Variants in NFIB observed in about 807,000 individuals in gnomAD.
NFIB encodes nuclear factor 1 B-type.
In NFIB, 11 loss-of-function variants were observed where a neutral mutation model predicts 61.5. The observed-to-expected ratio is 0.18, with a 90% CI of 0.11 to 0.30. The LOEUF is 0.30. Ranked by LOEUF, NFIB falls within the 10% of genes least tolerant of loss-of-function variation. NFIB has a pLI of 1.00. For missense variants in NFIB, 471 were observed against 608.9 expected, an observed-to-expected ratio of 0.77 and a Z score of 2.38; for synonymous variants, 260 against 216.5, an observed-to-expected ratio of 1.20 and a Z score of -1.76.
At chr9:14,227,914 T>C (rs1418286591) in intron 2 of NFIB, among the ~76,000 whole-genome samples, 7 of 152,252 alleles carry the variant, frequency 4.6e-5, no homozygotes, top group Non-Finnish European at 7.3e-5. Flanking sequence ...TGTCTTATTA[T>C]GGTGTTAATT....
At chr9:14,481,195 GTGTATATATATATATATA>G in the NFIB span, among the ~76,000 whole-genome samples, 240 of 35,064 alleles carry the variant, frequency 6.8e-3, 6 homozygotes, top group African/African-American at 0.021. Context: ...GTGTGTGTGT[GTGTATATATATATATATA>G]TATATATATA....
At chr9:14,448,021 G>C in the NFIB span, among the ~76,000 whole-genome samples, 3 of 152,140 alleles carry the variant, frequency 2.0e-5, no homozygotes, top group Non-Finnish European at 2.9e-5. Flanking sequence ...TATCAATGAA[G>C]TTATAGAAAA....
At chr9:14,276,754 C>G (rs552399873) in intron 2 of NFIB, among the ~76,000 whole-genome samples, 1 of 152,046 alleles carries the variant, frequency 6.6e-6, no homozygotes, top group Non-Finnish European at 1.5e-5. Context: ...GAAAGCTGAT[C>G]ACACGAAAGG....
the NFIB span, among the ~76,000 whole-genome samples, chr9:14,420,252 G>C: frequency 6.6e-6 from 1 of 151,888 alleles, no homozygotes; most frequent in Non-Finnish European, 1.5e-5. Context: ...TTTGAGACCA[G>C]CCTGGCCAAT....
chr9:14,194,572 A>T (rs1347213581), intron 2 of NFIB, among the ~76,000 whole-genome samples: 3 of 152,240 alleles, frequency 2.0e-5, no homozygotes, highest in African/African-American at 7.2e-5. Flanking sequence ...AAAAAAGACA[A>T]TAAGAAGAAA....
the NFIB span, among the ~76,000 whole-genome samples, chr9:14,450,090 G>C: frequency 6.6e-6 from 1 of 151,914 alleles, no homozygotes; most frequent in South Asian, 2.1e-4. Flanking sequence ...ATTTACATTA[G>C]TTATTTCTCT....
intron 1 of NFIB, chr9:14,322,031 T>A (rs1006697074): frequency 8.2e-7 from 1 of 1,226,382 alleles, no homozygotes. Flanking sequence ...TACAGATTTG[T>A]GGATTTTCTC....
At chr9:14,269,720 A>C (rs963891201) in intron 2 of NFIB, among the ~76,000 whole-genome samples, 1 of 152,162 alleles carries the variant, frequency 6.6e-6, no homozygotes, top group African/African-American at 2.4e-5. Flanking sequence ...ACATATACCT[A>C]TATGTCCCGA....
intron 6 of NFIB, among the ~76,000 whole-genome samples, chr9:14,131,140 T>TA (rs2040355651): frequency 6.6e-6 from 1 of 152,204 alleles, no homozygotes; most frequent in Non-Finnish European, 1.5e-5. Context: ...TTGATGGTGT[T>TA]ATTCTTCAAT....
At chr9:14,366,477 A>T (rs1258659518) in intron 1 of NFIB, among the ~76,000 whole-genome samples, 2 of 151,640 alleles carry the variant, frequency 1.3e-5, no homozygotes, top group Non-Finnish European at 2.9e-5. Flanking sequence ...CACAGATTTT[A>T]ATTTTATTCT....
intron 2 of NFIB, among the ~76,000 whole-genome samples, chr9:14,202,649 G>A (rs78016539): frequency 0.012 from 1,835 of 152,074 alleles, 34 homozygotes; most frequent in African/African-American, 0.041. Context: ...TAAAAATATC[G>A]GTTCTACGTT....
At chr9:14,190,226 T>C (rs900228828) in intron 2 of NFIB, among the ~76,000 whole-genome samples, 3 of 152,198 alleles carry the variant, frequency 2.0e-5, no homozygotes, top group Admixed American at 1.3e-4. Flanking sequence ...TGTTTTATTA[T>C]TAAATTATGG....
Position 14,084,872 on chromosome 9 carries a change from TA to T in NFIB, c.*3436del. On this transcript the variant is annotated 3_prime_UTR_variant, in exon 11 of 11. Transcript: ENST00000380953. ...GAAAGAAGAAAAAATTGATTTGAAA[TA>T]AAAAAAGCAACACTTGAACTAGGCC... The T allele has an allele frequency of 4.3e-6, 1 of 229,924 alleles. No individual in the cohort carries two copies. The allele number at this position is 229,924 out of a possible 1,614,324, so 14.2% of individuals were successfully genotyped here. A position where few individuals can be genotyped will look rare whatever the true frequency, so the allele number is the denominator to read the frequency against.
Position 14,313,377 on chromosome 9 carries a change from G to T in NFIB, c.30+105C>A. ...ACTCCGGGCCACTTCTCCAAGGGAC[G>T]GGGATGTGCGGAGGTTAACTCAAGC... is the stretch of plus-strand genomic sequence containing the variant. On this transcript the variant is annotated intron_variant, in intron 1 of 10. Transcript: ENST00000380953. This position sits in a 1 kb window ranked among gnomAD's most constrained non-coding sequence, Gnocchi z 4.5. 6.6e-7 allele frequency: 1 copy of T among 1,523,492 alleles called. No homozygotes were observed. The highest frequency in any genetic ancestry group is 9.0e-7 in the Non-Finnish European group (1 of 1,108,322). 94.4% of individuals were successfully genotyped at this position (1,523,492 alleles called of 1,614,324 possible). A position where few individuals can be genotyped will look rare whatever the true frequency, so the allele number is the denominator to read the frequency against.
At chr9:14,406,193 C>T in the NFIB span, among the ~76,000 whole-genome samples, 1 of 152,190 alleles carries the variant, frequency 6.6e-6, no homozygotes, top group African/African-American at 2.4e-5. Context: ...GAAAGCAGAT[C>T]TAGGACCTAT....
At chr9:14,420,535 A>G in the NFIB span, among the ~76,000 whole-genome samples, 1 of 150,248 alleles carries the variant, frequency 6.7e-6, no homozygotes, top group East Asian at 2.0e-4. Flanking sequence ...AAATATTTTC[A>G]TTCCTCCCAC....
chr9:14,148,725 T>C (rs1375957062), intron 5 of NFIB, among the ~76,000 whole-genome samples: 1 of 152,188 alleles, frequency 6.6e-6, no homozygotes, highest in Non-Finnish European at 1.5e-5. Flanking sequence ...CCTTGAATCA[T>C]GTATATGCCT....
rs1230161162 is a variant in NFIB, at chr9:14,083,590, T to C, written c.*4719A>G. 4.4e-6 allele frequency: 1 copy of C among 225,346 alleles called. No homozygotes were observed. The allele number at this position is 225,346 out of a possible 1,614,324, so 14.0% of individuals were successfully genotyped here. ...GACCTTGACAGGAACATGTAAACTATATTGAATGTCATGCTTGGGGCCTAT... is the reference window on the plus strand; with the variant it reads ...GACCTTGACAGGAACATGTAAACTACATTGAATGTCATGCTTGGGGCCTAT... On this transcript the variant is annotated 3_prime_UTR_variant, in exon 11 of 11. Coordinates refer to ENST00000380953, the MANE Select transcript of NFIB (RefSeq NM_001190737.2).
intron 1 of NFIB, chr9:14,308,132 G>C (rs2132709934): frequency 6.6e-6 from 1 of 152,320 alleles, no homozygotes. Context: ...CATTAAACTT[G>C]ATCCATTTTC....
Sources: allele counts gnomAD v4.1 joint callset (sites outside exome capture counted in the v4.1 genomes callset), GRCh38; gene constraint gnomAD v4.1.1; non-coding constraint Gnocchi (gnomAD v3.1); transcripts MANE v1.5; gene names NCBI Gene and HGNC (gene_info 2026-07-23, HGNC 2026-07-21).